Variants in XPO6 observed in about 807,000 individuals in gnomAD.
XPO6 encodes exportin-6.
Under a neutral mutation model 130.0 loss-of-function variants are expected in XPO6, and 3 were observed. The ratio of observed to expected loss-of-function variants is 0.02; its 90% CI spans 0.01 to 0.06. The LOEUF (loss-of-function observed/expected upper bound fraction) is 0.06, where lower values mean the gene tolerates loss of function less well. XPO6 is among the 10% of genes least tolerant of loss of function. The pLI is 1.00. For synonymous variants in XPO6, 524 were observed against 548.9 expected (o/e 0.95, Z 0.63); for missense variants, 970 against 1,393.0 (o/e 0.70, Z 4.83).
At chr16:28,143,659 AAC>A (rs2042934069) in intron 9 of XPO6, among the ~76,000 whole-genome samples, 2 of 152,096 alleles carry the variant, frequency 1.3e-5, no homozygotes, top group South Asian at 4.1e-4. Context: ...TGTTTTTTTA[AAC>A]AGTCTCATTC....
intron 15 of XPO6, among the ~76,000 whole-genome samples, chr16:28,116,043 A>G (rs2087045064): frequency 1.3e-5 from 2 of 152,146 alleles, no homozygotes; most frequent in Admixed American, 1.3e-4. Context: ...AACCACTGAA[A>G]CCTTCCTCAT....
chr16:28,166,899 G>T, intron 5 of XPO6: 1 of 866,308 alleles, frequency 1.2e-6, no homozygotes, highest in Non-Finnish European at 1.4e-6. Flanking sequence ...CCACACTGTG[G>T]CATTACAGGC....
rs770766825 is a variant in XPO6 at position 28,106,405 on chromosome 16, T to C, written c.2590A>G (p.Thr864Ala). 1 of 1,614,104 alleles carries C rather than the reference T, an allele frequency of 6.2e-7. No homozygotes were observed. Among genetic ancestry groups the C allele is most frequent in the South Asian group, 1.1e-5 (1 of 91,076 alleles). ...TACCTGGTAAACATGTTGAGGAAAG[T>C]CTGTATGATTTGCTCAGTGAAAGGC... ...GVPFTEQIIQ[T>A]FLNMFTREQL... The change falls in exon 19 of 24, where the codon ACT (threonine) becomes GCT (alanine). Residue 864 changes from threonine to alanine, a missense_variant. Coordinates refer to ENST00000304658, the MANE Select transcript of XPO6 (RefSeq NM_015171.4). The surrounding 1 kb of genome is among the most constrained non-coding windows in gnomAD (Gnocchi z 4.2).
At chr16:28,152,635 G>T (rs149780067) in intron 8 of XPO6, 24 bp downstream of exon 8, 1 of 1,595,214 alleles carries the variant, frequency 6.3e-7, no homozygotes, top group African/African-American at 1.4e-5. Context: ...TCTCTGGAAG[G>T]GAAGGATGAC....
chr16:28,134,306 C>T (rs1188560020), intron 10 of XPO6, among the ~76,000 whole-genome samples: 1 of 152,200 alleles, frequency 6.6e-6, no homozygotes, highest in Non-Finnish European at 1.5e-5. Flanking sequence ...GAATGGGGTC[C>T]ACAGCCAGCC....
Position 28,117,321 on chromosome 16 carries a change from G to A in XPO6, c.2001C>T (p.Thr667=), listed in dbSNP as rs200358973. 1 of 1,613,914 alleles carries A rather than the reference G, an allele frequency of 6.2e-7. No homozygotes were observed. The change falls in exon 15 of 24, where the codon ACC becomes ACT. Residue 667 remains threonine, a synonymous_variant. Transcript: ENST00000304658. ...GTAGGCTTTGCTGTTTCGAGACCTT[G>A]GTGCTGATTAGAGGTGTGATTGCAT... ...TMDAITPLIS[T]KVQDKLLLSA...
intron 5 of XPO6, chr16:28,167,384 TC>T (rs1413392470): frequency 1.1e-4 from 106 of 985,244 alleles, no homozygotes; most frequent in Non-Finnish European, 1.2e-4. Flanking sequence ...TCATCTAGCC[TC>T]ACCTGACCCA....
intron 1 of XPO6, among the ~76,000 whole-genome samples, chr16:28,181,659 T>C (rs2043618479): frequency 6.6e-6 from 1 of 152,020 alleles, no homozygotes; most frequent in Non-Finnish European, 1.5e-5. Context: ...ACTACAAGTG[T>C]GAGTCATTCA....
chr16:28,145,990 T>A (rs142688410), intron 9 of XPO6, 104 bp downstream of exon 9: 12,224 of 791,758 alleles, frequency 0.015, 153 homozygotes, highest in Middle Eastern at 0.023. Context: ...ACAGCTTACA[T>A]GACTCAGCTT....
chr16:28,202,760 A>G (rs1166627447), intron 1 of XPO6, among the ~76,000 whole-genome samples: 1 of 152,212 alleles, frequency 6.6e-6, no homozygotes, highest in Non-Finnish European at 1.5e-5. Flanking sequence ...TTTAGTTTTC[A>G]TTGGTACACG....
At chr16:28,178,764 C>CAAAA (rs139329056) in intron 2 of XPO6, among the ~76,000 whole-genome samples, 11 of 138,428 alleles carry the variant, frequency 7.9e-5, no homozygotes, top group East Asian at 4.2e-4. Context: ...CAAAACAAAA[C>CAAAA]AAAAAAAAAA....
At chr16:28,120,220 A>G (rs2087198639) in intron 14 of XPO6, among the ~76,000 whole-genome samples, 1 of 152,336 alleles carries the variant, frequency 6.6e-6, no homozygotes, top group South Asian at 2.1e-4. Flanking sequence ...TTGTGTGCAG[A>G]GAGGGCACAA....
chr16:28,101,479 C>A lies in XPO6; in HGVS notation c.3255G>T (p.Gly1085=), dbSNP rs1429690978. The change falls in exon 23 of 24, where the codon GGG becomes GGT. Residue 1085 remains glycine, a synonymous_variant. Coordinates refer to ENST00000304658, the MANE Select transcript of XPO6 (RefSeq NM_015171.4). This position sits in a 1 kb window ranked among gnomAD's most constrained non-coding sequence, Gnocchi z 5.4. ...TCACCCGATCCATCTTGAAATTCCG[C>A]CCCAGCACACTTTTCTGGTTGGCAT... ...GVDANQKSVL[G]RNFKMDRDLP... 1.9e-6 allele frequency: 3 copies of A among 1,614,066 alleles called. No individual in the cohort carries two copies. Among genetic ancestry groups the A allele is most frequent in the Non-Finnish European group, 2.5e-6 (3 of 1,180,014 alleles).
chr16:28,146,383 C>A, intron 8 of XPO6, 180 bp from the exon 9 acceptor site: 1 of 563,536 alleles, frequency 1.8e-6, no homozygotes, highest in Non-Finnish European at 3.2e-6. Context: ...CCTCCTGAAC[C>A]TTACAAGACA....
chr16:28,182,439 C>T (rs1024529962), intron 1 of XPO6, among the ~76,000 whole-genome samples: 1 of 152,176 alleles, frequency 6.6e-6, no homozygotes, highest in African/African-American at 2.4e-5. Flanking sequence ...ACGTTCCTCC[C>T]ACACTGAGGT....
chr16:28,135,793 A>T (rs1332069527), intron 9 of XPO6, among the ~76,000 whole-genome samples: 1 of 152,170 alleles, frequency 6.6e-6, no homozygotes, highest in East Asian at 1.9e-4. Context: ...GGAGAATCTA[A>T]TCCACTAAAT....
chr16:28,160,068 C>G (rs1287560088), intron 6 of XPO6, among the ~76,000 whole-genome samples: 1 of 151,030 alleles, frequency 6.6e-6, no homozygotes, highest in Non-Finnish European at 1.5e-5. Flanking sequence ...GCCTATAATC[C>G]CAGCTACTCG....
chr16:28,183,943 CATTCAAGGATACTG>C (rs1222681090), intron 1 of XPO6, among the ~76,000 whole-genome samples: 2 of 152,122 alleles, frequency 1.3e-5, no homozygotes, highest in East Asian at 1.9e-4. Flanking sequence ...ATAGAAGGCA[CATTCAAGGATACTG>C]GTTCAAGGAT....
Position 28,211,377 on chromosome 16 carries a change from G to A in XPO6, c.-9C>T. ...CCAATTCCACTTACCATGCTGGCCG[G>A]GGAGGGGGCGGCTCAGATGAGCTGG... On this transcript the variant is annotated 5_prime_UTR_variant, in exon 1 of 24. Coordinates refer to ENST00000304658, the MANE Select transcript of XPO6 (RefSeq NM_015171.4). 7.6e-7 allele frequency: 1 copy of A among 1,312,520 alleles called. No homozygotes were observed. Among genetic ancestry groups the A allele is most frequent in the Non-Finnish European group, 9.8e-7 (1 of 1,021,682 alleles). 81.3% of individuals were successfully genotyped at this position (1,312,520 alleles called of 1,614,324 possible).
Sources: gnomAD v4.1 joint callset for allele counts (sites outside exome capture counted in the v4.1 genomes callset) on GRCh38, gnomAD v4.1.1 for gene constraint, Gnocchi (gnomAD v3.1) non-coding constraint, MANE v1.5 for transcripts, NCBI Gene and HGNC (gene_info 2026-07-23, HGNC 2026-07-21) for gene names.